Variants in PEMT observed in about 807,000 individuals in gnomAD.
The protein encoded by PEMT is phospholipid methyltransferase.
PEMT carries 23 observed loss-of-function variants against 27.4 expected under a neutral mutation model. The observed-to-expected ratio is 0.84, with a 90% CI of 0.60 to 1.19. PEMT has a LOEUF of 1.19. Ranked by LOEUF, PEMT falls within the 50% of genes most tolerant of loss-of-function variation. The pLI is 0.00. For missense variants in PEMT, 307 were observed against 310.1 expected (o/e 0.99, Z 0.07); for synonymous variants, 137 against 139.1 (o/e 0.98, Z 0.11).
intron 2 of PEMT, among the ~76,000 whole-genome samples, chr17:17,571,257 A>G (rs1567739096): frequency 6.6e-6 from 1 of 152,126 alleles, no homozygotes; most frequent in Non-Finnish European, 1.5e-5. Context: ...CATCAGGTGG[A>G]GGAAGCAGAA....
At chr17:17,573,753 T>G (rs1567742746) in intron 2 of PEMT, among the ~76,000 whole-genome samples, 1 of 152,202 alleles carries the variant, frequency 6.6e-6, no homozygotes, top group African/African-American at 2.4e-5. Flanking sequence ...GTTATTTAAG[T>G]GCTTCCCTGG....
At chr17:17,509,592 G>T in intron 4 of PEMT, 47 bp from the exon 5 acceptor site, 1 of 1,324,468 alleles carries the variant, frequency 7.6e-7, no homozygotes, top group Non-Finnish European at 1.1e-6. Flanking sequence ...ATCAGCCCTG[G>T]CCACACCATC....
chr17:17,529,649 C>T (rs1432210810), intron 2 of PEMT, among the ~76,000 whole-genome samples: 1 of 152,228 alleles, frequency 6.6e-6, no homozygotes, highest in Non-Finnish European at 1.5e-5. Context: ...ACCCGAGGGG[C>T]CATGGCACAG....
At chr17:17,567,449 C>T (rs1236774086) in intron 2 of PEMT, among the ~76,000 whole-genome samples, 1 of 152,282 alleles carries the variant, frequency 6.6e-6, no homozygotes, top group African/African-American at 2.4e-5. Flanking sequence ...GCAGGCAGTG[C>T]CCCAGGGGCA....
chr17:17,583,357 C>T (rs1473444649), intron 1 of PEMT, among the ~76,000 whole-genome samples: 2 of 152,186 alleles, frequency 1.3e-5, no homozygotes, highest in South Asian at 2.1e-4. Flanking sequence ...GCCTGGGCAA[C>T]AAGAGTGAAA....
chr17:17,567,970 T>A (rs1051528093), intron 2 of PEMT, among the ~76,000 whole-genome samples: 8 of 152,346 alleles, frequency 5.3e-5, no homozygotes, highest in African/African-American at 1.9e-4. Flanking sequence ...CTGAGCCAGA[T>A]GGAAGCAAGG....
chr17:17,531,915 C>A (rs1452217560), intron 2 of PEMT, among the ~76,000 whole-genome samples: 1 of 152,122 alleles, frequency 6.6e-6, no homozygotes, highest in African/African-American at 2.4e-5. Flanking sequence ...CTTCAAAAGA[C>A]ATTCTTGATA....
intron 2 of PEMT, among the ~76,000 whole-genome samples, chr17:17,560,041 C>A (rs886381211): frequency 6.6e-6 from 1 of 152,194 alleles, no homozygotes; most frequent in African/African-American, 2.4e-5. Flanking sequence ...ACAGTCACAG[C>A]GAAGCCACGG....
At chr17:17,526,787 A>G (rs1310825273) in intron 2 of PEMT, among the ~76,000 whole-genome samples, 1 of 152,258 alleles carries the variant, frequency 6.6e-6, no homozygotes, top group Non-Finnish European at 1.5e-5. Context: ...GGTCAAACTC[A>G]TAGCATGTTT....
At chr17:17,588,617 C>T (rs935794932) in intron 1 of PEMT, among the ~76,000 whole-genome samples, 6 of 152,218 alleles carry the variant, frequency 3.9e-5, no homozygotes, top group Non-Finnish European at 7.3e-5. Flanking sequence ...CTCACCCGCT[C>T]TGGTGAGCAG....
intron 1 of PEMT, among the ~76,000 whole-genome samples, chr17:17,578,057 T>C (rs1259013221): frequency 6.6e-6 from 1 of 150,396 alleles, no homozygotes; most frequent in Non-Finnish European, 1.5e-5. Context: ...CACACAGCAC[T>C]GTGAAACGTT....
chr17:17,553,020 G>A (rs967180038), intron 2 of PEMT, among the ~76,000 whole-genome samples: 3 of 152,132 alleles, frequency 2.0e-5, no homozygotes, highest in Non-Finnish European at 2.9e-5. Flanking sequence ...AACCCCAATC[G>A]CAACCTTTTC....
At chr17:17,553,327 G>T (rs897654965) in intron 2 of PEMT, among the ~76,000 whole-genome samples, 5 of 152,210 alleles carry the variant, frequency 3.3e-5, no homozygotes, top group Admixed American at 6.5e-5. Context: ...GAACTTGGCT[G>T]CGGGGATGCA....
intron 2 of PEMT, among the ~76,000 whole-genome samples, chr17:17,560,050 G>C (rs186337737): frequency 1.0e-3 from 159 of 151,824 alleles, no homozygotes; most frequent in African/African-American, 3.6e-3. Flanking sequence ...GCGAAGCCAC[G>C]GCCTGACCTG....
chr17:17,586,268 G>GAA (rs1912285686), intron 1 of PEMT, among the ~76,000 whole-genome samples: 1 of 109,734 alleles, frequency 9.1e-6, no homozygotes, highest in South Asian at 3.0e-4. Context: ...AAGAAAGAAA[G>GAA]AAAGAAAGAA....
chr17:17,577,165 T>C, intron 1 of PEMT, 138 bp from the exon 2 acceptor site: 2 of 659,346 alleles, frequency 3.0e-6, no homozygotes, highest in Admixed American at 2.5e-5. Flanking sequence ...GTTACTACAG[T>C]GTAGTCTCAT....
chr17:17,507,187 C>G, intron 5 of PEMT: 1 of 1,559,392 alleles, frequency 6.4e-7, no homozygotes, highest in Middle Eastern at 1.7e-4. Flanking sequence ...CCACAGCTCC[C>G]GCAGGTGCTG....
chr17:17,528,217 C>T (rs1008964858), intron 2 of PEMT, among the ~76,000 whole-genome samples: 4 of 152,328 alleles, frequency 2.6e-5, no homozygotes, highest in South Asian at 2.1e-4. Flanking sequence ...TTTTGCCTCC[C>T]GAACCGCCCC....
chr17:17,554,241 C>G (rs1909884003), intron 2 of PEMT, among the ~76,000 whole-genome samples: 1 of 152,276 alleles, frequency 6.6e-6, no homozygotes. Context: ...GCCCCCTCCC[C>G]TCAGCCACAA....
Sources: gnomAD v4.1 joint callset for allele counts (sites outside exome capture counted in the v4.1 genomes callset) on GRCh38, gnomAD v4.1.1 for gene constraint, MANE v1.5 for transcripts, NCBI Gene and HGNC (gene_info 2026-07-23, HGNC 2026-07-21) for gene names.